Variants in NLGN1 observed in about 807,000 individuals in gnomAD.
The protein encoded by NLGN1 is neuroligin 1, also known as neuroligin-1.
NLGN1 carries 12 observed loss-of-function variants against 65.5 expected under a neutral mutation model. That is an observed-to-expected ratio of 0.18 (90% CI 0.12 to 0.30). The LOEUF is 0.30. Ranked by LOEUF, NLGN1 falls within the 10% of genes least tolerant of loss-of-function variation. NLGN1 has a pLI of 1.00. For missense variants in NLGN1, 750 were observed against 1,007.1 expected, an observed-to-expected ratio of 0.74 and a Z score of 3.46; for synonymous variants, 350 against 359.5, an observed-to-expected ratio of 0.97 and a Z score of 0.30.
intron 4 of NLGN1, among the ~76,000 whole-genome samples, chr3:173,830,357 T>C (rs1250239374): frequency 6.6e-6 from 1 of 152,106 alleles, no homozygotes; most frequent in East Asian, 1.9e-4. Flanking sequence ...AATGATAAAA[T>C]GGGTCTATAA....
intron 2 of NLGN1, among the ~76,000 whole-genome samples, chr3:173,499,197 T>G (rs1730568943): frequency 6.6e-6 from 1 of 151,852 alleles, no homozygotes; most frequent in Admixed American, 6.5e-5. Flanking sequence ...GGTCTAACAT[T>G]TAAGCCTTTA....
At chr3:174,243,847 C>T (rs1561374393) in intron 4 of NLGN1, among the ~76,000 whole-genome samples, 3 of 152,158 alleles carry the variant, frequency 2.0e-5, no homozygotes, top group Admixed American at 2.0e-4. Context: ...TGAGATGGTG[C>T]CTCATGCTAC....
rs1256626557 is a variant in NLGN1 at position 173,874,513 on chromosome 3, G to T, written c.646+66681G>T. Among the ~76,000 whole-genome samples, 8 of 152,240 alleles carry T rather than the reference G, an allele frequency of 5.3e-5. No individual in the cohort carries two copies. The South Asian group carries it at 1.7e-3, about 32-fold the overall frequency. On this transcript the variant is annotated intron_variant, in intron 4 of 6. Coordinates refer to ENST00000457714, the Ensembl canonical transcript of NLGN1. ...GAATATAATTTTAATAATATTTGGGGCTATAATTATAATGTGAAAATATCT... is the reference window on the plus strand; with the variant it reads ...GAATATAATTTTAATAATATTTGGGTCTATAATTATAATGTGAAAATATCT...
intron 3 of NLGN1, among the ~76,000 whole-genome samples, chr3:173,625,678 A>G (rs1204535380): frequency 6.6e-6 from 1 of 152,166 alleles, no homozygotes; most frequent in Non-Finnish European, 1.5e-5. Flanking sequence ...CTGATGAAAC[A>G]TTAAGAGATA....
At chr3:174,092,979 A>G (rs1744810451) in intron 4 of NLGN1, among the ~76,000 whole-genome samples, 1 of 152,186 alleles carries the variant, frequency 6.6e-6, no homozygotes, top group Non-Finnish European at 1.5e-5. Context: ...GAGCAGTCCC[A>G]TAGCTCATTG....
At chr3:173,747,059 T>TTTA (rs1775509908) in intron 3 of NLGN1, among the ~76,000 whole-genome samples, 1 of 130,332 alleles carries the variant, frequency 7.7e-6, no homozygotes, top group Non-Finnish European at 1.7e-5. Context: ...AAATTATATA[T>TTTA]ACACACACAC....
At chr3:174,017,236 C>A (rs549464424) in intron 4 of NLGN1, among the ~76,000 whole-genome samples, 1 of 152,146 alleles carries the variant, frequency 6.6e-6, no homozygotes, top group South Asian at 2.1e-4. Context: ...ATTCACTCTT[C>A]TTTTGGCTGA....
At chr3:174,197,331 A>G (rs1733603449) in intron 4 of NLGN1, among the ~76,000 whole-genome samples, 2 of 152,038 alleles carry the variant, frequency 1.3e-5, no homozygotes, top group African/African-American at 2.4e-5. Context: ...AAGCTTAAAA[A>G]CTAACAGGAA....
intron 1 of NLGN1, among the ~76,000 whole-genome samples, chr3:173,408,532 C>T (rs1054121626): frequency 6.6e-6 from 1 of 152,128 alleles, no homozygotes; most frequent in Non-Finnish European, 1.5e-5. Flanking sequence ...ATAACCAGCA[C>T]CTGGAGATTA....
intron 2 of NLGN1, among the ~76,000 whole-genome samples, chr3:173,543,693 A>G (rs1215700103): frequency 6.6e-6 from 1 of 152,120 alleles, no homozygotes; most frequent in Non-Finnish European, 1.5e-5. Context: ...TAGGATTGAT[A>G]ATGATTCTTT....
At chr3:174,091,381 AAT>A (rs959481301) in intron 4 of NLGN1, among the ~76,000 whole-genome samples, 2 of 152,372 alleles carry the variant, frequency 1.3e-5, no homozygotes, top group South Asian at 2.1e-4. Context: ...GTTGAAAACA[AAT>A]GCCTTTCAGT....
rs71162356 is a variant in NLGN1 at position 173,734,381 on chromosome 3, ATTTTTTTTTTTTT to A, written c.494-73279_494-73267del. ...ATAATTAGATTCTGTGGATAATTCTATTTTTTTTTTTTTTTTTTTTTTTTTTTTTTTTAGAAAC... is the reference window on the plus strand; with the variant it reads ...ATAATTAGATTCTGTGGATAATTCTATTTTTTTTTTTTTTTTTTTAGAAAC... On this transcript the variant is annotated intron_variant, in intron 3 of 6. Coordinates refer to ENST00000457714, the Ensembl canonical transcript of NLGN1. Among the ~76,000 whole-genome samples, 34 of 40,086 alleles carry A rather than the reference ATTTTTTTTTTTTT, an allele frequency of 8.5e-4. No homozygotes were observed. The East Asian group carries it at 0.02, about 24-fold the overall frequency. 26.3% of individuals were successfully genotyped at this position (40,086 alleles called of 152,430 possible). A position where few individuals can be genotyped will look rare whatever the true frequency, so the allele number is the denominator to read the frequency against.
At chr3:173,491,923 A>T (rs764740449) in intron 2 of NLGN1, among the ~76,000 whole-genome samples, 10 of 151,676 alleles carry the variant, frequency 6.6e-5, no homozygotes, top group Non-Finnish European at 1.2e-4. Flanking sequence ...CACTCACCAA[A>T]TTCCATTTAT....
chr3:174,252,751 A>C (rs1043308469), intron 4 of NLGN1, among the ~76,000 whole-genome samples: 3 of 152,206 alleles, frequency 2.0e-5, no homozygotes, highest in African/African-American at 7.2e-5. Context: ...GAATTTGATA[A>C]GACAGCAGAT....
chr3:174,025,976 T>G (rs1410528549), intron 4 of NLGN1, among the ~76,000 whole-genome samples: 1 of 152,048 alleles, frequency 6.6e-6, no homozygotes, highest in Non-Finnish European at 1.5e-5. Context: ...AAAATTAGAG[T>G]TTTTTTGTCA....
At chr3:173,589,748 AAT>A (rs1357392910) in intron 2 of NLGN1, among the ~76,000 whole-genome samples, 1 of 152,160 alleles carries the variant, frequency 6.6e-6, no homozygotes, top group African/African-American at 2.4e-5. Context: ...TTTTTATACC[AAT>A]GTTTGTCATC....
intron 4 of NLGN1, among the ~76,000 whole-genome samples, chr3:173,818,754 A>G (rs1348192206): frequency 6.6e-6 from 1 of 152,174 alleles, no homozygotes; most frequent in African/African-American, 2.4e-5. Context: ...ATGAAGTGTA[A>G]TAAATTAGCT....
Position 173,452,202 on chromosome 3 carries a change from C to CTT in NLGN1, c.-321+17134_-321+17135dup, listed in dbSNP as rs572500549. On this transcript the variant is annotated intron_variant, in intron 2 of 6. Transcript: ENST00000457714. ...GTTCCTATTCGGCCATCTTGGCTTC[C>CTT]TTTTTTTTTTTGAGATGGAGTCTCG... Among the ~76,000 whole-genome samples, 4 of 146,574 alleles carry CTT rather than the reference C, an allele frequency of 2.7e-5. 1 individual carries two copies. The highest frequency in any genetic ancestry group is 4.3e-4 in the South Asian group (2 of 4,664).
At chr3:173,932,524 G>A in intron 4 of NLGN1, among the ~76,000 whole-genome samples, 1 of 151,286 alleles carries the variant, frequency 6.6e-6, no homozygotes, top group Non-Finnish European at 1.5e-5. Context: ...AAAAAAAAGT[G>A]TGGTAGGATT....
Sources: allele counts gnomAD v4.1 joint callset (sites outside exome capture counted in the v4.1 genomes callset), GRCh38; gene constraint gnomAD v4.1.1; transcripts MANE v1.5; gene names NCBI Gene and HGNC (gene_info 2026-07-23, HGNC 2026-07-21).